PPM1E: variants seen among roughly 807,000 people sequenced by gnomAD.
PPM1E encodes protein phosphatase, Mg2+/Mn2+ dependent 1E, also known as protein phosphatase 1E.
A neutral mutation model predicts 65.9 loss-of-function variants in PPM1E; 20 were observed. The observed-to-expected ratio is 0.30, with a 90% confidence interval of 0.21 to 0.44. The LOEUF (loss-of-function observed/expected upper bound fraction) is 0.44. Ranked by LOEUF, PPM1E falls within the 20% of genes least tolerant of loss-of-function variation. PPM1E has a pLI of 1.00. For missense variants in PPM1E, 713 were observed against 953.1 expected (o/e 0.75, Z 3.32); for synonymous variants, 352 against 374.9 (o/e 0.94, Z 0.70).
At chr17:58,979,248 A>G (rs952334815) in intron 6 of PPM1E, among the ~76,000 whole-genome samples, 2 of 152,180 alleles carry the variant, frequency 1.3e-5, no homozygotes, top group African/African-American at 2.4e-5. Context: ...TAAATATAAG[A>G]GAAAAATGGC....
At chr17:58,787,911 A>AC in intron 1 of PPM1E, among the ~76,000 whole-genome samples, 1 of 151,466 alleles carries the variant, frequency 6.6e-6, no homozygotes, top group East Asian at 1.9e-4. Flanking sequence ...TGTCTAAAAA[A>AC]AAAAAAAAAA....
intron 1 of PPM1E, among the ~76,000 whole-genome samples, chr17:58,933,726 G>A (rs945089446): frequency 2.6e-5 from 4 of 151,144 alleles, no homozygotes; most frequent in African/African-American, 7.3e-5. Flanking sequence ...AACCTGGAAA[G>A]TGGAGGTTTC....
intron 1 of PPM1E, among the ~76,000 whole-genome samples, chr17:58,847,771 T>G (rs1301784702): frequency 6.6e-6 from 1 of 152,214 alleles, no homozygotes; most frequent in Non-Finnish European, 1.5e-5. Context: ...TTTGATTCCA[T>G]ATGAACTTGA....
intron 1 of PPM1E, among the ~76,000 whole-genome samples, chr17:58,895,632 C>G (rs1016124053): frequency 1.3e-5 from 2 of 151,770 alleles, no homozygotes; most frequent in Non-Finnish European, 2.9e-5. Context: ...CAGTGAGACC[C>G]CCATCTCTAC....
intron 1 of PPM1E, among the ~76,000 whole-genome samples, chr17:58,792,175 C>T (rs2144251847): frequency 6.6e-6 from 1 of 151,122 alleles, no homozygotes; most frequent in Non-Finnish European, 1.5e-5. Context: ...CCTTCCTGAG[C>T]TTCTATTTTA....
chr17:58,762,232 C>T (rs891045260), intron 1 of PPM1E, among the ~76,000 whole-genome samples: 1 of 152,104 alleles, frequency 6.6e-6, no homozygotes, highest in African/African-American at 2.4e-5. Flanking sequence ...GGCTTGGTGG[C>T]TCATTCCTGT....
intron 1 of PPM1E, among the ~76,000 whole-genome samples, chr17:58,795,114 ACTC>A (rs1231984926): frequency 2.0e-5 from 3 of 150,096 alleles, no homozygotes; most frequent in Admixed American, 2.0e-4. Flanking sequence ...CTGGTCTTGA[ACTC>A]CTGACCTCAA....
chr17:58,881,061 C>T (rs887712717), intron 1 of PPM1E, among the ~76,000 whole-genome samples: 2 of 152,098 alleles, frequency 1.3e-5, no homozygotes, highest in African/African-American at 2.4e-5. Flanking sequence ...TTTGTTTAGT[C>T]TTGCTTTGTT....
chr17:58,930,471 G>A (rs1237776924), intron 1 of PPM1E, among the ~76,000 whole-genome samples: 1 of 151,836 alleles, frequency 6.6e-6, no homozygotes, highest in African/African-American at 2.4e-5. Flanking sequence ...CTCAAAAAAA[G>A]AAAAGAAAAA....
chr17:58,806,146 T>C (rs1274568081), intron 1 of PPM1E, among the ~76,000 whole-genome samples: 1 of 152,054 alleles, frequency 6.6e-6, no homozygotes, highest in Non-Finnish European at 1.5e-5. Context: ...ATCTCAGTTT[T>C]ACAAATAAGC....
At chr17:58,977,963 G>A (rs545951573) in intron 6 of PPM1E, among the ~76,000 whole-genome samples, 8 of 152,244 alleles carry the variant, frequency 5.3e-5, no homozygotes, top group South Asian at 4.1e-4. Flanking sequence ...GGCTGGCTTC[G>A]TACTCCCGAC....
intron 1 of PPM1E, among the ~76,000 whole-genome samples, chr17:58,900,349 C>G (rs2051483144): frequency 6.6e-6 from 1 of 152,180 alleles, no homozygotes; most frequent in South Asian, 2.1e-4. Flanking sequence ...ACCGCAGTCA[C>G]TCCAACCTTC....
intron 1 of PPM1E, among the ~76,000 whole-genome samples, chr17:58,803,363 T>C (rs1247573767): frequency 1.3e-5 from 2 of 152,216 alleles, no homozygotes; most frequent in African/African-American, 4.8e-5. Context: ...TATTCTGTTA[T>C]TGTGGTATGT....
rs138139619 is a variant in PPM1E at position 58,845,206 on chromosome 17, A to G, written c.464+88745A>G. Among the ~76,000 whole-genome samples, 1,079 of 152,148 alleles carry G rather than the reference A, an allele frequency of 7.1e-3. 7 individuals are homozygous for G. The highest frequency in any genetic ancestry group is 0.011 in the Non-Finnish European group (748 of 68,022). ...GTAATCATCATTAATTAGTATTTTC[A>G]GGAAGGAACCAGGGGTAACATATAG... is the stretch of plus-strand genomic sequence containing the variant. On this transcript the variant is annotated intron_variant, in intron 1 of 6. Coordinates refer to ENST00000308249, the MANE Select transcript of PPM1E (RefSeq NM_014906.5).
intron 1 of PPM1E, among the ~76,000 whole-genome samples, chr17:58,945,619 T>C (rs564685845): frequency 4.1e-4 from 63 of 152,314 alleles, no homozygotes; most frequent in African/African-American, 1.5e-3. Flanking sequence ...CCACCTCAGA[T>C]GCCAGTTAAA....
At chr17:58,788,370 G>A (rs1290516432) in intron 1 of PPM1E, among the ~76,000 whole-genome samples, 1 of 152,106 alleles carries the variant, frequency 6.6e-6, no homozygotes, top group Non-Finnish European at 1.5e-5. Flanking sequence ...GAGTTAGAGT[G>A]TATACAGATT....
chr17:58,857,095 A>G (rs1361253875), intron 1 of PPM1E, among the ~76,000 whole-genome samples: 3 of 152,208 alleles, frequency 2.0e-5, no homozygotes, highest in Non-Finnish European at 4.4e-5. Flanking sequence ...TATTTGAACC[A>G]TTTGAAAATA....
rs769566644 is a variant in PPM1E, at chr17:58,955,719, T to C, written c.535T>C (p.Ser179Pro). The C allele has an allele frequency of 1.5e-5, 25 of 1,613,036 alleles. No individual in the cohort carries two copies. In the Middle Eastern group the frequency reaches 1.5e-3, roughly 95 times the overall value. ...AGATGAAGTCCTTCAGAGTGATCTT[T>C]CTGCACATTATATCCCAAAGGAAAC... The part of the protein sequence containing the change: ...TSDEVLQSDL[S>P]AHYIPKETDG... Residue 179 changes from serine (S) to proline (P), a missense_variant, in exon 2 of 7, where the codon TCT becomes CCT. Around this residue, in one of 6 missense-constraint regions of PPM1E, gnomAD observed 84 missense variants for 113.9 expected, o/e 0.74. Transcript: ENST00000308249.
intron 1 of PPM1E, among the ~76,000 whole-genome samples, chr17:58,831,135 C>T (rs1205007974): frequency 6.6e-6 from 1 of 152,042 alleles, no homozygotes; most frequent in Admixed American, 6.6e-5. Flanking sequence ...CTCAGCCTCC[C>T]AAGTAGCTGG....
Sources: allele counts gnomAD v4.1 joint callset (sites outside exome capture counted in the v4.1 genomes callset), GRCh38; gene constraint gnomAD v4.1.1; regional missense constraint gnomAD v4.1.1; transcripts MANE v1.5; gene names NCBI Gene and HGNC (gene_info 2026-07-23, HGNC 2026-07-21).